Variants in PARD3B observed in about 807,000 individuals in gnomAD.
PARD3B encodes par-3 family cell polarity regulator beta, also known as partitioning defective 3 homolog B.
A neutral mutation model predicts 130.2 loss-of-function variants in PARD3B; 103 were observed. The ratio of observed to expected loss-of-function variants is 0.79; its 90% CI spans 0.67 to 0.93. The LOEUF (loss-of-function observed/expected upper bound fraction) is 0.93, where lower values mean the gene tolerates loss of function less well. Among genes scored for constraint, PARD3B ranks in the 40% least tolerant of loss-of-function variants. PARD3B has a pLI of 0.00. For missense variants in PARD3B, 1,609 were observed against 1,499.2 expected, an observed-to-expected ratio of 1.07 and a Z score of -1.21; for synonymous variants, 583 against 553.2, an observed-to-expected ratio of 1.05 and a Z score of -0.76.
chr2:205,054,637 T>A (rs953585044), intron 4 of PARD3B, among the ~76,000 whole-genome samples: 1 of 151,152 alleles, frequency 6.6e-6, no homozygotes, highest in Non-Finnish European at 1.5e-5. Context: ...GGTGTTCCCC[T>A]TTGCTGTTTA....
chr2:204,782,322 CTTAAT>C (rs2041863602), intron 2 of PARD3B, among the ~76,000 whole-genome samples: 2 of 151,616 alleles, frequency 1.3e-5, no homozygotes. Context: ...ATGGTGTTTG[CTTAAT>C]TTAAATATTG....
chr2:205,508,575 G>A (rs1463980496), intron 21 of PARD3B, among the ~76,000 whole-genome samples: 73 of 134,322 alleles, frequency 5.4e-4, no homozygotes, highest in Non-Finnish European at 4.9e-4. Flanking sequence ...CTTTCTCCAA[G>A]AAAAAAAAAA....
At chr2:205,035,821 CT>C (rs1697804752) in intron 3 of PARD3B, among the ~76,000 whole-genome samples, 1 of 5,788 alleles carries the variant, frequency 1.7e-4, no homozygotes, top group East Asian at 6.6e-3. Context: ...ATATATATAT[CT>C]ATATATCTAT....
At chr2:205,170,358 AG>A (rs1219666998) in intron 11 of PARD3B, among the ~76,000 whole-genome samples, 1 of 152,178 alleles carries the variant, frequency 6.6e-6, no homozygotes, top group Non-Finnish European at 1.5e-5. Context: ...GCTTCAAATT[AG>A]GGTAAAGGTT....
At chr2:204,820,952 C>T (rs1267083641) in intron 2 of PARD3B, among the ~76,000 whole-genome samples, 2 of 152,182 alleles carry the variant, frequency 1.3e-5, no homozygotes, top group Non-Finnish European at 2.9e-5. Context: ...TGCTAACACC[C>T]CTGTTTACAG....
At chr2:205,225,175 A>G (rs1422112515) in intron 15 of PARD3B, among the ~76,000 whole-genome samples, 1 of 151,878 alleles carries the variant, frequency 6.6e-6, no homozygotes, top group Non-Finnish European at 1.5e-5. Flanking sequence ...TTTTTAAGGA[A>G]CCTCCAAACC....
At chr2:204,931,332 A>G (rs998710242) in intron 2 of PARD3B, among the ~76,000 whole-genome samples, 3 of 152,094 alleles carry the variant, frequency 2.0e-5, no homozygotes, top group Non-Finnish European at 4.4e-5. Flanking sequence ...GTTTATTGAA[A>G]TTATCCATGC....
intron 3 of PARD3B, among the ~76,000 whole-genome samples, chr2:205,013,756 A>C (rs1436695133): frequency 6.6e-6 from 1 of 152,182 alleles, no homozygotes; most frequent in Non-Finnish European, 1.5e-5. Context: ...CTGGAGGTTG[A>C]AAACCATTTT....
At chr2:205,232,099 G>A (rs1453148825) in intron 15 of PARD3B, among the ~76,000 whole-genome samples, 2 of 152,110 alleles carry the variant, frequency 1.3e-5, no homozygotes, top group South Asian at 2.1e-4. Flanking sequence ...GATCATAAAG[G>A]CAAGACTCAA....
At chr2:204,817,084 A>G (rs913598470) in intron 2 of PARD3B, among the ~76,000 whole-genome samples, 2 of 152,000 alleles carry the variant, frequency 1.3e-5, no homozygotes, top group African/African-American at 4.8e-5. Flanking sequence ...GGCTCTTTTT[A>G]TATATTACAT....
intron 10 of PARD3B, among the ~76,000 whole-genome samples, chr2:205,143,347 A>C (rs2033124189): frequency 6.6e-6 from 1 of 152,200 alleles, no homozygotes; most frequent in Non-Finnish European, 1.5e-5. Context: ...TTAATTTGAA[A>C]AAATTAATTC....
chr2:205,395,397 G>T (rs2045991372), intron 18 of PARD3B, among the ~76,000 whole-genome samples: 1 of 152,154 alleles, frequency 6.6e-6, no homozygotes, highest in Admixed American at 6.5e-5. Flanking sequence ...TCTTCTTGCA[G>T]CATTCTTTAA....
intron 2 of PARD3B, among the ~76,000 whole-genome samples, chr2:204,698,478 G>A (rs116794219): frequency 6.6e-4 from 100 of 151,866 alleles, no homozygotes; most frequent in African/African-American, 2.3e-3. Flanking sequence ...AGATTAACTT[G>A]GAATTTTTCC....
chr2:204,715,559 C>T (rs1438500101), intron 2 of PARD3B, among the ~76,000 whole-genome samples: 2 of 150,030 alleles, frequency 1.3e-5, no homozygotes, highest in African/African-American at 2.5e-5. Flanking sequence ...AAACGTAAAT[C>T]GTAAGCCAAA....
At chr2:205,567,799 G>A (rs966607497) in intron 22 of PARD3B, among the ~76,000 whole-genome samples, 6 of 151,644 alleles carry the variant, frequency 4.0e-5, no homozygotes, top group Non-Finnish European at 7.4e-5. Flanking sequence ...TTTTATTTGA[G>A]AAGCGATCCC....
rs2045143471 is a variant in PARD3B at position 204,860,602 on chromosome 2, A to G, written c.223-104550A>G. ...AATGGAGACTGGTAAAAGATATTCA[A>G]TTGTTAACTGCAAGGAAAGAGAAGA... On this transcript the variant is annotated intron_variant, in intron 2 of 22. Transcript: ENST00000406610. Among the ~76,000 whole-genome samples the G allele has an allele frequency of 2.0e-5, 3 of 152,206 alleles. No homozygotes were observed. In the South Asian group the frequency reaches 6.2e-4, roughly 32 times the overall value.
chr2:205,480,443 T>G (rs1372011199), intron 20 of PARD3B, among the ~76,000 whole-genome samples: 1 of 152,176 alleles, frequency 6.6e-6, no homozygotes, highest in Non-Finnish European at 1.5e-5. Flanking sequence ...GACCACGGCT[T>G]GATATTTCTC....
chr2:204,934,464 G>C (rs1036356259), intron 2 of PARD3B, among the ~76,000 whole-genome samples: 1 of 152,164 alleles, frequency 6.6e-6, no homozygotes, highest in African/African-American at 2.4e-5. Flanking sequence ...CTGGTTTTCA[G>C]ATATGCACCT....
intron 22 of PARD3B, among the ~76,000 whole-genome samples, chr2:205,581,845 T>C (rs560536131): frequency 2.8e-4 from 43 of 152,290 alleles, no homozygotes; most frequent in African/African-American, 1.0e-3. Flanking sequence ...TAACTCCAAT[T>C]TTCAGGCACA....
Sources: allele counts gnomAD v4.1 joint callset (sites outside exome capture counted in the v4.1 genomes callset), GRCh38; gene constraint gnomAD v4.1.1; transcripts MANE v1.5; gene names NCBI Gene and HGNC (gene_info 2026-07-23, HGNC 2026-07-21).